PHC1: variants seen among roughly 807,000 people sequenced by gnomAD.
PHC1 encodes polyhomeotic homolog 1.
Under a neutral mutation model 104.3 loss-of-function variants are expected in PHC1, and 12 were observed. That is an observed-to-expected ratio of 0.12 (90% CI 0.07 to 0.19). PHC1 has a LOEUF of 0.19. Ranked by LOEUF, PHC1 falls within the 10% of genes least tolerant of loss-of-function variation. The pLI is 1.00. For missense variants in PHC1, 671 were observed against 1,200.0 expected, an observed-to-expected ratio of 0.56 and a Z score of 6.51; for synonymous variants, 302 against 455.8, an observed-to-expected ratio of 0.66 and a Z score of 4.30.
At position 8,914,719 on chromosome 12, in the gene PHC1, G is replaced by T. The variant is rs1945148621; in HGVS notation, c.-157G>T. On this transcript the variant is annotated 5_prime_UTR_variant, in exon 1 of 15. Transcript: ENST00000544916. ...CCAGGAAGGGGAGGAGGCGAGGGGA[G>T]CCCGCCGCGGAGGCCGAGCGAGCCC... 1 of 151,990 alleles carries T rather than the reference G, an allele frequency of 6.6e-6. No homozygotes were observed. The highest frequency in any genetic ancestry group is 6.6e-5 in the Admixed American group (1 of 15,248). 9.4% of individuals were successfully genotyped at this position (151,990 alleles called of 1,614,324 possible). A position where few individuals can be genotyped will look rare whatever the true frequency, so the allele number is the denominator to read the frequency against.
Position 8,937,217 on chromosome 12 carries a change from A to G in PHC1, c.2519A>G (p.Lys840Arg). The G allele has an allele frequency of 3.7e-6, 6 of 1,613,660 alleles. No homozygotes were observed. Among genetic ancestry groups the G allele is most frequent in the Non-Finnish European group, 5.1e-6 (6 of 1,179,768 alleles). Residue 840 changes from lysine (K) to arginine (R), a missense_variant, in exon 13 of 15, where the codon AAA becomes AGA. Coordinates refer to ENST00000544916, the MANE Select transcript of PHC1 (RefSeq NM_004426.3). ...SCSHQFRLKRKKMKEFQEANY... is the reference protein window; with the variant it reads ...SCSHQFRLKRRKMKEFQEANY... ...AGCCATCAGTTCCGGCTGAAGAGGA[A>G]AAAAATGAAAGAGTTTCAAGAAGCC...
At position 8,921,078 on chromosome 12, in the gene PHC1, T is replaced by C; in HGVS notation, c.306+13T>C. 1 of 1,592,402 alleles carries C rather than the reference T, an allele frequency of 6.3e-7. No individual in the cohort carries two copies. The highest frequency in any genetic ancestry group is 8.6e-7 in the Non-Finnish European group (1 of 1,167,890). On this transcript the variant is annotated intron_variant, in intron 4 of 14. Coordinates refer to ENST00000544916, the MANE Select transcript of PHC1 (RefSeq NM_004426.3). Reference sequence around the variant, plus strand: ...CACCCAGGCCTCGGTGAGTACGCCCTCTCCCACTGAGAGGCTTCTCTACCT... The same window carrying C: ...CACCCAGGCCTCGGTGAGTACGCCCCCTCCCACTGAGAGGCTTCTCTACCT...
At chr12:8,921,104 G>T in intron 4 of PHC1, 39 bp downstream of exon 4, 1 of 1,476,326 alleles carries the variant, frequency 6.8e-7, no homozygotes, top group Non-Finnish European at 9.3e-7. Context: ...TTCTCTACCT[G>T]GGTCTTTGTC....
At position 8,917,801 on chromosome 12, in the gene PHC1, A is replaced by G. The variant is rs776918132; in HGVS notation, c.114+10A>G. On this transcript the variant is annotated intron_variant, in intron 2 of 14. Transcript: ENST00000544916. ...ACGACAAGCAGTGCAGGTGAGACTC[A>G]GCTCTGAGGGGCCATGGTCTGTGAG... 2.2e-6 allele frequency: 3 copies of G among 1,381,196 alleles called. No homozygotes were observed. Among genetic ancestry groups the G allele is most frequent in the South Asian group, 1.2e-5 (1 of 80,384 alleles). The allele number at this position is 1,381,196 out of a possible 1,614,324, so 85.6% of individuals were successfully genotyped here. A position where few individuals can be genotyped will look rare whatever the true frequency, so the allele number is the denominator to read the frequency against.
chr12:8,929,928 T>G (rs1284907938), intron 6 of PHC1, among the ~76,000 whole-genome samples: 5 of 152,232 alleles, frequency 3.3e-5, no homozygotes, highest in African/African-American at 1.2e-4. Context: ...TCACTTGTTT[T>G]AGGAAGCCCT....
chr12:8,925,904 G>C (rs1945499314), intron 6 of PHC1, among the ~76,000 whole-genome samples: 1 of 152,198 alleles, frequency 6.6e-6, no homozygotes, highest in Admixed American at 6.5e-5. Flanking sequence ...GAGAATAACT[G>C]TTCTAACAGT....
chr12:8,925,689 G>A (rs1373730381), intron 6 of PHC1, among the ~76,000 whole-genome samples: 6 of 152,176 alleles, frequency 3.9e-5, no homozygotes, highest in African/African-American at 1.4e-4. Context: ...AGACGGGTAG[G>A]AGGAACCTTA....
chr12:8,927,766 T>G (rs148333046), intron 6 of PHC1, among the ~76,000 whole-genome samples: 1 of 152,320 alleles, frequency 6.6e-6, no homozygotes, highest in African/African-American at 2.4e-5. Context: ...TCCTGATGAT[T>G]CTTGTCAATA....
intron 4 of PHC1, 46 bp downstream of exon 4, chr12:8,921,111 T>C: frequency 7.2e-7 from 1 of 1,394,822 alleles, no homozygotes; most frequent in East Asian, 2.3e-5. Context: ...CCTGGGTCTT[T>C]GTCTCTGGGT....
intron 1 of PHC1, among the ~76,000 whole-genome samples, chr12:8,916,729 A>G (rs1014504745): frequency 6.6e-6 from 1 of 152,116 alleles, no homozygotes; most frequent in Non-Finnish European, 1.5e-5. Flanking sequence ...GTGTATTTCT[A>G]TGTTTCATAC....
chr12:8,930,404 T>C, intron 6 of PHC1, 31 bp from the exon 7 acceptor site: 1 of 1,593,372 alleles, frequency 6.3e-7, no homozygotes, highest in South Asian at 1.1e-5. Context: ...CCAGTCCTCC[T>C]TTTCTCAATC....
intron 1 of PHC1, among the ~76,000 whole-genome samples, chr12:8,917,235 A>G (rs1010477707): frequency 2.6e-5 from 4 of 152,236 alleles, no homozygotes; most frequent in African/African-American, 7.2e-5. Flanking sequence ...ACTCATTTGG[A>G]TGATAACGAT....
At chr12:8,937,046 G>A (rs1407132656) in intron 12 of PHC1, 82 bp downstream of exon 12, 1 of 1,390,308 alleles carries the variant, frequency 7.2e-7, no homozygotes, top group African/African-American at 1.4e-5. Context: ...TCGTCTCATA[G>A]CTGATATTTT....
chr12:8,925,041 A>G (rs957626171), intron 6 of PHC1, among the ~76,000 whole-genome samples: 4 of 152,186 alleles, frequency 2.6e-5, no homozygotes, highest in African/African-American at 9.7e-5. Context: ...TTATCCGCTC[A>G]TTCATTCATC....
intron 7 of PHC1, among the ~76,000 whole-genome samples, chr12:8,931,336 C>T (rs1034130092): frequency 5.3e-5 from 8 of 152,216 alleles, no homozygotes; most frequent in Admixed American, 3.3e-4. Context: ...GATGAATTCT[C>T]ACCTCACTGT....
At chr12:8,921,541 C>T (rs1340365451) in intron 4 of PHC1, 60 bp from the exon 5 acceptor site, 37 of 1,502,616 alleles carry the variant, frequency 2.5e-5, no homozygotes, top group Admixed American at 1.0e-4. Flanking sequence ...TTGTCAGTCA[C>T]GTACCTTTCC....
intron 12 of PHC1, 36 bp downstream of exon 12, chr12:8,937,000 G>A (rs1282803423): frequency 3.4e-6 from 5 of 1,458,250 alleles, no homozygotes; most frequent in Non-Finnish European, 4.8e-6. Context: ...CCTCAGCACT[G>A]GTATCTCCAT....
intron 8 of PHC1, chr12:8,933,587 C>G: frequency 1.6e-6 from 1 of 637,334 alleles, no homozygotes. Context: ...ATCAAGATAG[C>G]CTTAACCAAA....
At chr12:8,922,950 A>G (rs190359426) in intron 6 of PHC1, among the ~76,000 whole-genome samples, 162 bp downstream of exon 6, 215 of 152,326 alleles carry the variant, frequency 1.4e-3, no homozygotes, top group Non-Finnish European at 2.6e-3. Context: ...AATCCCATAT[A>G]ACCTTTGAGT....
Sources: allele counts gnomAD v4.1 joint callset (sites outside exome capture counted in the v4.1 genomes callset), GRCh38; gene constraint gnomAD v4.1.1; transcripts MANE v1.5; gene names NCBI Gene and HGNC (gene_info 2026-07-23, HGNC 2026-07-21).